Variants in LARP1 observed in about 807,000 individuals in gnomAD.
LARP1 encodes la-related protein 1.
A neutral mutation model predicts 122.7 loss-of-function variants in LARP1; 36 were observed. That is an observed-to-expected ratio of 0.29 (90% confidence interval 0.22 to 0.39). The LOEUF (loss-of-function observed/expected upper bound fraction) is 0.39, where lower values mean the gene tolerates loss of function less well. Among genes scored for constraint, LARP1 ranks in the 10% least tolerant of loss-of-function variants. LARP1 has a pLI of 1.00. For missense variants in LARP1, 1,040 were observed against 1,403.6 expected (o/e 0.74, Z 4.14); for synonymous variants, 539 against 528.7 (o/e 1.02, Z -0.27).
rs926314441 is a variant in LARP1, at chr5:154,803,639, G to C, written c.2333G>C (p.Arg778Pro). ...PTTVPESPNY[R>P]NTRTPRTPRT... ...ACTGTCCCAGAGTCACCAAACTACC[G>C]CAACACCAGGACCCCTCGCACTCCC... The change falls in exon 13 of 19, where the codon CGC becomes CCC. Residue 778 changes from arginine to proline, a missense_variant. Arg to Pro is a moderately radical substitution (Grantham distance 103). Transcript: ENST00000518297. This position sits in a 1 kb window ranked among gnomAD's most constrained non-coding sequence, Gnocchi z 4.4. 6.2e-7 allele frequency: 1 copy of C among 1,613,938 alleles called. No individual in the cohort carries two copies. Among genetic ancestry groups the C allele is most frequent in the Non-Finnish European group, 8.5e-7 (1 of 1,180,046 alleles).
chr5:154,756,563 C>T (rs1753931706), intron 1 of LARP1: 1 of 915,510 alleles, frequency 1.1e-6, no homozygotes, highest in African/African-American at 1.8e-5. Flanking sequence ...TCTGGAAGCC[C>T]CTCTTCCCAC....
intron 1 of LARP1, among the ~76,000 whole-genome samples, chr5:154,699,825 A>G (rs746201019): frequency 1.3e-5 from 2 of 152,190 alleles, no homozygotes; most frequent in African/African-American, 4.8e-5. Context: ...TCCATTTTCT[A>G]TACTGGAGAT....
chr5:154,786,727 G>A (rs528961229), intron 1 of LARP1: 61 of 244,570 alleles, frequency 2.5e-4, no homozygotes, highest in Non-Finnish European at 4.1e-4. Flanking sequence ...CTGGTGAGCT[G>A]TTGAGGAGCT....
intron 1 of LARP1, among the ~76,000 whole-genome samples, chr5:154,715,215 G>A (rs1231773417): frequency 1.3e-5 from 2 of 150,548 alleles, no homozygotes; most frequent in Non-Finnish European, 3.0e-5. Flanking sequence ...AGATTTTAAG[G>A]CCCCTGAAGG....
At chr5:154,735,986 C>T (rs1260845393) in intron 1 of LARP1, among the ~76,000 whole-genome samples, 2 of 152,134 alleles carry the variant, frequency 1.3e-5, no homozygotes, top group Admixed American at 6.6e-5. Context: ...GTGGCACCAT[C>T]TTAGCTCACT....
intron 1 of LARP1, among the ~76,000 whole-genome samples, chr5:154,781,872 A>C (rs1441975430): frequency 6.6e-6 from 1 of 152,198 alleles, no homozygotes. Flanking sequence ...CCTCTGTAGT[A>C]AGCTCTCAGT....
rs528648643 is a variant in LARP1, at chr5:154,759,652, C to T, written c.436+3459C>T. ...GCTGTGGCTGGTGCACATGTAGTGC[C>T]GTGAGACTTGAGAGTACAGATAGTC... On this transcript the variant is annotated intron_variant, in intron 1 of 18. Transcript: ENST00000518297. 5.3e-5 allele frequency among the ~76,000 whole-genome samples: 8 copies of T among 152,148 alleles called. No individual in the cohort carries two copies. In the South Asian group the frequency reaches 1.2e-3, roughly 24 times the overall value.
chr5:154,744,581 A>G (rs1037120278), intron 1 of LARP1, among the ~76,000 whole-genome samples: 3 of 146,954 alleles, frequency 2.0e-5, no homozygotes, highest in African/African-American at 7.5e-5. Flanking sequence ...AACAGCTGGA[A>G]TATTATCTGC....
Position 154,793,456 on chromosome 5 carries a change from G to A in LARP1, c.740-139G>A, listed in dbSNP as rs994876578. 4.9e-6 allele frequency: 5 copies of A among 1,024,368 alleles called. No homozygotes were observed. In the East Asian group the frequency reaches 7.1e-5, roughly 15 times the overall value. The allele number at this position is 1,024,368 out of a possible 1,614,324, so 63.5% of individuals were successfully genotyped here. A position where few individuals can be genotyped will look rare whatever the true frequency, so the allele number is the denominator to read the frequency against. On this transcript the variant is annotated intron_variant, in intron 4 of 18. Transcript: ENST00000518297. ...TTTAGAGATGAAAAAGAGGGCTAATGTGTGGGAAAGGGATCTGCCCAAGGT... is the reference window on the plus strand; with the variant it reads ...TTTAGAGATGAAAAAGAGGGCTAATATGTGGGAAAGGGATCTGCCCAAGGT...
At chr5:154,692,931 C>A (rs1754289849) in intron 1 of LARP1, among the ~76,000 whole-genome samples, 1 of 151,986 alleles carries the variant, frequency 6.6e-6, no homozygotes, top group African/African-American at 2.4e-5. Flanking sequence ...CCTCAGCCTC[C>A]CTAGTAGCTA....
chr5:154,725,121 G>A (rs1343500460), intron 1 of LARP1, among the ~76,000 whole-genome samples: 1 of 152,058 alleles, frequency 6.6e-6, no homozygotes, highest in Non-Finnish European at 1.5e-5. Flanking sequence ...GCTGGATGCG[G>A]TGGCTCACAC....
At chr5:154,691,408 C>A (rs756151944) in intron 1 of LARP1, among the ~76,000 whole-genome samples, 5 of 152,210 alleles carry the variant, frequency 3.3e-5, no homozygotes, top group Non-Finnish European at 5.9e-5. Context: ...CTGGCCCTTT[C>A]CCCCGTCTCT....
chr5:154,729,402 A>G (rs1482160879), intron 1 of LARP1: 1 of 331,060 alleles, frequency 3.0e-6, no homozygotes, highest in East Asian at 7.8e-5. Flanking sequence ...TACCATGGCA[A>G]AACTGAAGAG....
At chr5:154,689,038 G>A (rs1251035847) in intron 1 of LARP1, among the ~76,000 whole-genome samples, 1 of 152,188 alleles carries the variant, frequency 6.6e-6, no homozygotes, top group African/African-American at 2.4e-5. Context: ...AACATTTTGC[G>A]CCGGGCGCAG....
chr5:154,710,466 A>T (rs1403948843), upstream of LARP1, among the ~76,000 whole-genome samples: 1 of 152,024 alleles, frequency 6.6e-6, no homozygotes, highest in Non-Finnish European at 1.5e-5. Context: ...AATTTAGGCC[A>T]GACACGGTGG....
chr5:154,777,465 G>C (rs1033170898), intron 1 of LARP1, among the ~76,000 whole-genome samples: 2 of 152,192 alleles, frequency 1.3e-5, no homozygotes, highest in Non-Finnish European at 2.9e-5. Context: ...AGGTTGCAGT[G>C]AGCAGAGATC....
chr5:154,751,013 C>T (rs1364884831), upstream of LARP1, among the ~76,000 whole-genome samples: 3 of 151,154 alleles, frequency 2.0e-5, no homozygotes, highest in Non-Finnish European at 4.4e-5. Context: ...TTTGGCCTCT[C>T]TTTTTTTTTG....
chr5:154,804,213 A>G lies in LARP1; in HGVS notation c.2452A>G (p.Arg818Gly). 6.2e-7 allele frequency: 1 copy of G among 1,614,042 alleles called. No homozygotes were observed. Among genetic ancestry groups the G allele is most frequent in the Non-Finnish European group, 8.5e-7 (1 of 1,179,898 alleles). ...CTAACCTTTGCAGATGCCTCGAAAAAGAAAGACAAGACACAGTTCAAACCC... is the reference window on the plus strand; with the variant it reads ...CTAACCTTTGCAGATGCCTCGAAAAGGAAAGACAAGACACAGTTCAAACCC... ...RTLDAKMPRK[R>G]KTRHSSNPPL... is the part of the protein sequence containing the mutation. The change falls in exon 14 of 19, where the codon AGA becomes GGA. Residue 818 changes from arginine to glycine, a missense_variant. By Grantham distance (125) the Arg-to-Gly change is moderately radical. Coordinates refer to ENST00000518297, the MANE Select transcript of LARP1 (RefSeq NM_033551.3).
At chr5:154,749,071 G>A (rs1753348070) in intron 1 of LARP1, among the ~76,000 whole-genome samples, 3 of 152,182 alleles carry the variant, frequency 2.0e-5, no homozygotes, top group African/African-American at 7.2e-5. Context: ...AAGGCAGTAA[G>A]ACAGGAAGGT....
Sources: gnomAD v4.1 joint callset for allele counts (sites outside exome capture counted in the v4.1 genomes callset) on GRCh38, gnomAD v4.1.1 for gene constraint, Gnocchi (gnomAD v3.1) non-coding constraint, MANE v1.5 for transcripts, NCBI Gene and HGNC (gene_info 2026-07-23, HGNC 2026-07-21) for gene names.